POLN: variants seen among roughly 807,000 people sequenced by gnomAD.
The protein encoded by POLN is DNA polymerase N.
A neutral mutation model predicts 113.5 loss-of-function variants in POLN; 108 were observed. The observed-to-expected ratio is 0.95, with a 90% CI of 0.81 to 1.12. The LOEUF (loss-of-function observed/expected upper bound fraction) is 1.12, where lower values mean the gene tolerates loss of function less well. Among genes scored for constraint, POLN ranks in the 50% most tolerant of loss-of-function variants. The probability of loss-of-function intolerance (pLI) is 0.00; values close to 1 mark genes in which losing one functional copy is unlikely to be tolerated. For missense variants in POLN, 1,097 were observed against 1,077.1 expected, an observed-to-expected ratio of 1.02 and a Z score of -0.26; for synonymous variants, 386 against 391.5, an observed-to-expected ratio of 0.99 and a Z score of 0.17.
chr4:2,158,113 G>A (rs966015504), intron 14 of POLN, among the ~76,000 whole-genome samples: 1 of 152,028 alleles, frequency 6.6e-6, no homozygotes, highest in African/African-American at 2.4e-5. Context: ...CACCATGCTC[G>A]GCTAAGTTTT....
At chr4:2,204,377 C>T (rs983996774) in intron 5 of POLN, among the ~76,000 whole-genome samples, 4 of 152,070 alleles carry the variant, frequency 2.6e-5, no homozygotes, top group Non-Finnish European at 5.9e-5. Context: ...TACAACCTTT[C>T]TAATTTAAAT....
At chr4:2,078,551 G>C (rs1302026124) in intron 23 of POLN, 4 of 979,470 alleles carry the variant, frequency 4.1e-6, no homozygotes, top group Non-Finnish European at 2.4e-6. Flanking sequence ...GCTCACTCTA[G>C]GGGCACCGTG....
chr4:2,213,196 T>A, intron 3 of POLN, 70 bp from the exon 4 acceptor site: 2 of 904,430 alleles, frequency 2.2e-6, no homozygotes, highest in Non-Finnish European at 3.4e-6. Context: ...CACAGTTAAC[T>A]AAACACTGAA....
intron 3 of POLN, among the ~76,000 whole-genome samples, chr4:2,222,711 T>TG (rs1734290684): frequency 1.4e-5 from 2 of 147,784 alleles, no homozygotes; most frequent in African/African-American, 5.2e-5. Flanking sequence ...TTTTTTTTTT[T>TG]TATTTTTCCA....
chr4:2,090,379 C>A, intron 20 of POLN: 1 of 669,928 alleles, frequency 1.5e-6, no homozygotes, highest in Non-Finnish European at 2.6e-6. Flanking sequence ...TGAATAAAAA[C>A]GAGCTTGATT....
intron 3 of POLN, among the ~76,000 whole-genome samples, chr4:2,222,254 C>T (rs748093842): frequency 2.6e-5 from 4 of 152,088 alleles, no homozygotes; most frequent in Non-Finnish European, 5.9e-5. Context: ...CCTCTTTCCT[C>T]AGATCAAGAC....
intron 21 of POLN, among the ~76,000 whole-genome samples, chr4:2,085,145 A>G (rs1246763948): frequency 6.6e-6 from 1 of 152,122 alleles, no homozygotes; most frequent in East Asian, 1.9e-4. Flanking sequence ...ATCAACTTCC[A>G]AATAGGTAGG....
intron 16 of POLN, among the ~76,000 whole-genome samples, chr4:2,156,224 T>C (rs937740471): frequency 6.6e-6 from 1 of 152,248 alleles, no homozygotes; most frequent in Non-Finnish European, 1.5e-5. Flanking sequence ...AGTGACTTAT[T>C]ACTATTTTTA....
intron 3 of POLN, 84 bp downstream of exon 3, chr4:2,229,015 T>C (rs1734482511): frequency 4.4e-6 from 6 of 1,363,526 alleles, no homozygotes; most frequent in Middle Eastern, 4.2e-4. Context: ...TCTGTCTACA[T>C]GCATTCCATT....
chr4:2,125,022 C>T (rs1035354154), intron 19 of POLN, among the ~76,000 whole-genome samples: 5 of 152,198 alleles, frequency 3.3e-5, no homozygotes, highest in African/African-American at 9.7e-5. Flanking sequence ...GATAGGATTT[C>T]TTTCTAGGGT....
chr4:2,156,634 A>G, intron 16 of POLN, 154 bp downstream of exon 16: 2 of 693,902 alleles, frequency 2.9e-6, no homozygotes, highest in Non-Finnish European at 5.2e-6. Flanking sequence ...TTCTCCTGCT[A>G]TGTTCTCAGA....
intron 14 of POLN, 117 bp downstream of exon 14, chr4:2,159,037 TC>T: frequency 1.3e-6 from 1 of 787,148 alleles, no homozygotes; most frequent in East Asian, 2.6e-5. Flanking sequence ...AAAACTCTAT[TC>T]CCCTGAGAAC....
At chr4:2,231,895 A>G (rs1176503448) in intron 2 of POLN, 1 of 903,174 alleles carries the variant, frequency 1.1e-6, no homozygotes, top group African/African-American at 1.7e-5. Context: ...ATAAAAGAGG[A>G]CACGTAATAA....
At chr4:2,205,908 T>G (rs573746674) in intron 5 of POLN, among the ~76,000 whole-genome samples, 27 of 150,718 alleles carry the variant, frequency 1.8e-4, no homozygotes, top group African/African-American at 6.3e-4. Flanking sequence ...AAAATTCATA[T>G]GGAGCAACAA....
rs780622955 is a variant in POLN, at chr4:2,225,936, G to A, written c.133+3163C>T. ...AGATTGCTTGAACCTGGGAGGTTCA[G>A]GCTGCAATGACCTGTGAACTCCAGC... On this transcript the variant is annotated intron_variant, in intron 3 of 25. Coordinates refer to ENST00000511885, the MANE Select transcript of POLN (RefSeq NM_181808.4). Among the ~76,000 whole-genome samples the A allele has an allele frequency of 6.6e-5, 10 of 152,086 alleles. No homozygotes were observed. In the South Asian group the frequency reaches 1.0e-3, roughly 16 times the overall value.
Position 2,127,550 on chromosome 4 carries a change from G to A in POLN, c.1982+563C>T, listed in dbSNP as rs1032094376. ...GTCTCTCCATCCTGCTTTGGAGACC[G>A]GAGCAGGTATTCCACCAGGAGGAAG... On this transcript the variant is annotated intron_variant, in intron 19 of 25. Transcript: ENST00000511885. The surrounding 1 kb of genome is among the most constrained non-coding windows in gnomAD (Gnocchi z 4.7). Among the ~76,000 whole-genome samples, 1 of 152,164 alleles carries A rather than the reference G, an allele frequency of 6.6e-6. No individual in the cohort carries two copies. The highest frequency in any genetic ancestry group is 1.5e-5 in the Non-Finnish European group (1 of 68,024).
intron 21 of POLN, among the ~76,000 whole-genome samples, chr4:2,085,311 T>C (rs1408982950): frequency 1.3e-5 from 2 of 152,258 alleles, no homozygotes; most frequent in Non-Finnish European, 2.9e-5. Flanking sequence ...TTCCAGTGCT[T>C]TTCATAAGAA....
chr4:2,152,113 C>A (rs1339813842), intron 16 of POLN, among the ~76,000 whole-genome samples: 1 of 150,604 alleles, frequency 6.6e-6, no homozygotes, highest in Non-Finnish European at 1.5e-5. Context: ...CTCACTGTGA[C>A]CTCCTCCTCT....
chr4:2,142,891 T>C, intron 16 of POLN, among the ~76,000 whole-genome samples: 1 of 150,028 alleles, frequency 6.7e-6, no homozygotes. Flanking sequence ...TAATTTTCCA[T>C]CTACTGAACC....
Sources: allele counts gnomAD v4.1 joint callset (sites outside exome capture counted in the v4.1 genomes callset), GRCh38; gene constraint gnomAD v4.1.1; non-coding constraint Gnocchi (gnomAD v3.1); transcripts MANE v1.5; gene names NCBI Gene and HGNC (gene_info 2026-07-23, HGNC 2026-07-21).